TAFA1: variants seen among roughly 807,000 people sequenced by gnomAD.
TAFA1 encodes TAFA chemokine like family member 1.
Under a neutral mutation model 18.5 loss-of-function variants are expected in TAFA1, and 4 were observed. The observed-to-expected ratio is 0.22, with a 90% CI of 0.11 to 0.49. The LOEUF (loss-of-function observed/expected upper bound fraction) is 0.49. Among genes scored for constraint, TAFA1 ranks in the 20% least tolerant of loss-of-function variants. The pLI is 0.98. For synonymous variants in TAFA1, 56 were observed against 55.2 expected (o/e 1.01, Z -0.06); for missense variants, 147 against 169.0 (o/e 0.87, Z 0.72).
chr3:68,016,105 A>G (rs1363525294), intron 2 of TAFA1, among the ~76,000 whole-genome samples: 2 of 152,184 alleles, frequency 1.3e-5, no homozygotes, highest in African/African-American at 2.4e-5. Flanking sequence ...ATCATTATCA[A>G]TTAAGTTTGC....
rs1334678037 is a variant in TAFA1, at chr3:68,544,925, T to C, written c.*422T>C. On this transcript the variant is annotated 3_prime_UTR_variant, in exon 5 of 5. Coordinates refer to ENST00000478136, the MANE Select transcript of TAFA1 (RefSeq NM_213609.4). ...TTGAGTTTTGGATGTTTTGTCTGTT[T>C]TGCTTTGTTTTGTTAGTCATTTCTT... The C allele has an allele frequency of 4.6e-5, 7 of 152,194 alleles. No individual in the cohort carries two copies. Among genetic ancestry groups the C allele is most frequent in the African/African-American group, 1.4e-4 (6 of 41,426 alleles). 9.4% of individuals were successfully genotyped at this position (152,194 alleles called of 1,614,324 possible).
At chr3:68,384,639 C>G (rs1271573611) in intron 2 of TAFA1, among the ~76,000 whole-genome samples, 1 of 152,006 alleles carries the variant, frequency 6.6e-6, no homozygotes, top group Non-Finnish European at 1.5e-5. Flanking sequence ...AATATATATT[C>G]TGTTGTTTTG....
chr3:68,181,241 C>G (rs1013844023), intron 2 of TAFA1, among the ~76,000 whole-genome samples: 1 of 152,130 alleles, frequency 6.6e-6, no homozygotes, highest in Non-Finnish European at 1.5e-5. Context: ...GGGACCCAGC[C>G]AAATTGTGCC....
In TAFA1 at chr3:68,013,816, TC is replaced by T. The variant is rs1359404590; in HGVS notation, c.118+7074del. ...TTTTCCCAACTTCATATAATAAAGG[TC>T]CAAAAAAGAAAAGAAAAATGATATT... On this transcript the variant is annotated intron_variant, in intron 2 of 4. Coordinates refer to ENST00000478136, the MANE Select transcript of TAFA1 (RefSeq NM_213609.4). Among the ~76,000 whole-genome samples, 12 of 151,982 alleles carry T rather than the reference TC, an allele frequency of 7.9e-5. No homozygotes were observed. The East Asian group carries it at 2.3e-3, about 29-fold the overall frequency.
the TAFA1 span, among the ~76,000 whole-genome samples, chr3:67,991,653 G>T: frequency 1.3e-5 from 2 of 152,204 alleles, no homozygotes; most frequent in African/African-American, 2.4e-5. Context: ...CAACCTGCTG[G>T]GTTCTTAGGC....
chr3:68,393,902 A>G (rs1291000254), intron 2 of TAFA1, among the ~76,000 whole-genome samples: 2 of 152,046 alleles, frequency 1.3e-5, no homozygotes, highest in African/African-American at 2.4e-5. Flanking sequence ...ACCACAGCCA[A>G]TATCATACAG....
intron 2 of TAFA1, among the ~76,000 whole-genome samples, chr3:68,154,692 T>C (rs1260277567): frequency 6.6e-6 from 1 of 152,184 alleles, no homozygotes; most frequent in East Asian, 1.9e-4. Context: ...AGGGAATACA[T>C]GTGACTTTCC....
chr3:68,462,007 TAAAAAC>T (rs1219749384), intron 3 of TAFA1, among the ~76,000 whole-genome samples: 1 of 152,050 alleles, frequency 6.6e-6, no homozygotes, highest in Admixed American at 6.6e-5. Context: ...GAGGCATTGA[TAAAAAC>T]AGAATACATT....
At chr3:68,262,336 T>C (rs1403702459) in intron 2 of TAFA1, among the ~76,000 whole-genome samples, 6 of 97,674 alleles carry the variant, frequency 6.1e-5, no homozygotes, top group Non-Finnish European at 1.0e-4. Flanking sequence ...TATATATATA[T>C]ATATATATAT....
chr3:68,021,963 T>C (rs1244329119), intron 2 of TAFA1, among the ~76,000 whole-genome samples: 1 of 152,206 alleles, frequency 6.6e-6, no homozygotes, highest in African/African-American at 2.4e-5. Flanking sequence ...TCTTTTTTAC[T>C]GTCCTCATTA....
At chr3:68,319,880 C>G (rs1253930504) in intron 2 of TAFA1, among the ~76,000 whole-genome samples, 1 of 152,136 alleles carries the variant, frequency 6.6e-6, no homozygotes, top group Non-Finnish European at 1.5e-5. Flanking sequence ...TTAAATTCTT[C>G]ATTATCATAG....
At chr3:67,998,539 C>T in the TAFA1 span, among the ~76,000 whole-genome samples, 1 of 152,130 alleles carries the variant, frequency 6.6e-6, no homozygotes, top group Non-Finnish European at 1.5e-5. Context: ...GCAAGTGACC[C>T]AAGTTAAACT....
intron 2 of TAFA1, among the ~76,000 whole-genome samples, chr3:68,220,514 GA>G (rs927818088): frequency 3.1e-4 from 45 of 144,802 alleles, no homozygotes; most frequent in South Asian, 1.1e-3. Flanking sequence ...GTGAAGAGAA[GA>G]AAAAAAAAAA....
chr3:68,340,854 A>C (rs1313856202), intron 2 of TAFA1, among the ~76,000 whole-genome samples: 1 of 152,214 alleles, frequency 6.6e-6, no homozygotes, highest in Admixed American at 6.5e-5. Flanking sequence ...ACCTGTATTC[A>C]CATTTCCTTA....
intron 3 of TAFA1, among the ~76,000 whole-genome samples, chr3:68,499,307 T>C (rs896587088): frequency 5.3e-5 from 8 of 151,910 alleles, no homozygotes; most frequent in Non-Finnish European, 1.0e-4. Context: ...ATTCAAATCA[T>C]TCTTAAGCCT....
chr3:68,448,302 A>C (rs142327433), intron 3 of TAFA1, among the ~76,000 whole-genome samples: 1 of 152,302 alleles, frequency 6.6e-6, no homozygotes, highest in Non-Finnish European at 1.5e-5. Flanking sequence ...TTGAAATCTG[A>C]TTTTCAAAAT....
At chr3:68,434,390 C>A (rs1249354966) in intron 3 of TAFA1, among the ~76,000 whole-genome samples, 1 of 152,026 alleles carries the variant, frequency 6.6e-6, no homozygotes, top group Non-Finnish European at 1.5e-5. Context: ...TAAATATTTT[C>A]TTGGCTGCTA....
At chr3:68,478,076 G>T (rs1207733395) in intron 3 of TAFA1, among the ~76,000 whole-genome samples, 1 of 152,208 alleles carries the variant, frequency 6.6e-6, no homozygotes, top group Non-Finnish European at 1.5e-5. Context: ...GACTATCAGA[G>T]ATCAAGACTG....
chr3:68,218,272 G>A (rs929301411), intron 2 of TAFA1, among the ~76,000 whole-genome samples: 1 of 152,080 alleles, frequency 6.6e-6, no homozygotes, highest in South Asian at 2.1e-4. Context: ...ACAGCTTTAA[G>A]AAATAAATGA....
Sources: gnomAD v4.1 joint callset for allele counts (sites outside exome capture counted in the v4.1 genomes callset) on GRCh38, gnomAD v4.1.1 for gene constraint, MANE v1.5 for transcripts, NCBI Gene and HGNC (gene_info 2026-07-23, HGNC 2026-07-21) for gene names.